Variants in GALNT14 observed in about 807,000 individuals in gnomAD.
The protein encoded by GALNT14 is UDP-GalNAc:polypeptide N-acetylgalactosaminyltransferase 14.
GALNT14 carries 60 observed loss-of-function variants against 77.5 expected under a neutral mutation model. The ratio of observed to expected loss-of-function variants is 0.77; its 90% CI spans 0.63 to 0.96. GALNT14 has a LOEUF of 0.96. Among genes scored for constraint, GALNT14 ranks in the 40% least tolerant of loss-of-function variants. GALNT14 has a pLI of 0.00. For missense variants in GALNT14, 710 were observed against 731.0 expected (o/e 0.97, Z 0.33); for synonymous variants, 280 against 281.7 (o/e 0.99, Z 0.06).
chr2:30,980,808 G>A (rs756195169), intron 2 of GALNT14, among the ~76,000 whole-genome samples: 6 of 152,320 alleles, frequency 3.9e-5, no homozygotes, highest in South Asian at 2.1e-4. Context: ...TGGGCCGAGC[G>A]CGGTGGCTCA....
At chr2:31,111,448 A>C (rs376168946) in intron 1 of GALNT14, among the ~76,000 whole-genome samples, 65 of 152,378 alleles carry the variant, frequency 4.3e-4, no homozygotes, top group African/African-American at 1.5e-3. Flanking sequence ...GGAAAGCCAA[A>C]AGGCAGAGGC....
At chr2:30,923,079 T>TTGCTAATTTTTTGTATTTTTAGTAGA (rs1665133325) in intron 13 of GALNT14, among the ~76,000 whole-genome samples, 4 of 115,340 alleles carry the variant, frequency 3.5e-5, no homozygotes, top group African/African-American at 1.3e-4. Context: ...TTTTTTTTTT[T>TTGCTAATTTTTTGTATTTTTAGTAGA]GAAATGGAGT....
At chr2:30,904,621 G>A in the GALNT14 span, among the ~76,000 whole-genome samples, 7 of 152,230 alleles carry the variant, frequency 4.6e-5, no homozygotes, top group Non-Finnish European at 7.3e-5. Flanking sequence ...CAAGGCAGCA[G>A]CGAGGCTGGG....
intron 2 of GALNT14, among the ~76,000 whole-genome samples, chr2:30,989,853 A>T (rs13016565): frequency 0.31 from 47,121 of 151,048 alleles, 7,955 homozygotes; most frequent in African/African-American, 0.42. Flanking sequence ...CCTAGTCAGC[A>T]GCACAACCAG....
At chr2:31,079,678 T>C (rs1228916216) in intron 1 of GALNT14, among the ~76,000 whole-genome samples, 2 of 152,160 alleles carry the variant, frequency 1.3e-5, no homozygotes, top group Admixed American at 6.5e-5. Flanking sequence ...CTTCAGCCTC[T>C]TGAACATGGT....
At chr2:30,888,631 TTGGGAGGCCGGGGG>T in the GALNT14 span, among the ~76,000 whole-genome samples, 1 of 151,808 alleles carries the variant, frequency 6.6e-6, no homozygotes. Context: ...AGATGTAGGG[TTGGGAGGCCGGGGG>T]TGGGGATGGA....
chr2:31,001,557 A>G (rs955687454), intron 1 of GALNT14, among the ~76,000 whole-genome samples: 4 of 152,198 alleles, frequency 2.6e-5, no homozygotes, highest in Non-Finnish European at 5.9e-5. Context: ...TGTAAGTCCT[A>G]TGTGGAGGAA....
chr2:30,911,082 G>T, intron 14 of GALNT14, 23 bp from the exon 15 acceptor site: 1 of 1,610,146 alleles, frequency 6.2e-7, no homozygotes, highest in South Asian at 1.1e-5. Context: ...AGAAGAGAGT[G>T]AATGAACTAG....
At chr2:30,954,769 C>T (rs991774812) in intron 6 of GALNT14, among the ~76,000 whole-genome samples, 8 of 152,194 alleles carry the variant, frequency 5.3e-5, no homozygotes, top group South Asian at 2.1e-4. Context: ...GTTGAGGTAA[C>T]GCCAGCGTTC....
intron 1 of GALNT14, among the ~76,000 whole-genome samples, chr2:31,083,806 C>T (rs1454760171): frequency 6.6e-6 from 1 of 152,172 alleles, no homozygotes; most frequent in Non-Finnish European, 1.5e-5. Context: ...CCAAGTCCTT[C>T]CCTATGTGTG....
intron 3 of GALNT14, 128 bp downstream of exon 3, chr2:30,966,076 G>A: frequency 1.5e-6 from 1 of 671,768 alleles, no homozygotes; most frequent in Admixed American, 2.2e-5. Flanking sequence ...GTGACATATA[G>A]AATAGTGCCT....
At chr2:30,900,189 A>T in the GALNT14 span, among the ~76,000 whole-genome samples, 1 of 152,148 alleles carries the variant, frequency 6.6e-6, no homozygotes, top group Non-Finnish European at 1.5e-5. Flanking sequence ...ATGCAGATGA[A>T]ATACAGGGCT....
At chr2:30,915,587 G>A (rs1034978759) in intron 13 of GALNT14, among the ~76,000 whole-genome samples, 6 of 152,200 alleles carry the variant, frequency 3.9e-5, no homozygotes, top group Non-Finnish European at 8.8e-5. Flanking sequence ...GAAGGGCCAT[G>A]ATGAATGAGT....
intron 2 of GALNT14, among the ~76,000 whole-genome samples, chr2:30,979,176 G>A (rs1006273912): frequency 2.6e-5 from 4 of 152,242 alleles, no homozygotes; most frequent in African/African-American, 9.6e-5. Flanking sequence ...GAGTCAATGA[G>A]GAGGGCAGCT....
intron 2 of GALNT14, among the ~76,000 whole-genome samples, chr2:30,966,614 C>G (rs1007997061): frequency 1.3e-5 from 2 of 152,156 alleles, no homozygotes; most frequent in African/African-American, 4.8e-5. Flanking sequence ...CACAGTGGCT[C>G]CTGGTAGCTG....
chr2:30,947,345 C>T (rs576262212), intron 6 of GALNT14, among the ~76,000 whole-genome samples: 1 of 152,328 alleles, frequency 6.6e-6, no homozygotes, highest in South Asian at 2.1e-4. Context: ...TCTAGCTTTC[C>T]AGCCTCATTA....
At chr2:30,907,705 T>C (rs1664181039), downstream of GALNT14, among the ~76,000 whole-genome samples, 1 of 149,906 alleles carries the variant, frequency 6.7e-6, no homozygotes, top group African/African-American at 2.5e-5. Context: ...CCCTAACTCA[T>C]TTTATGAGGC....
chr2:30,986,656 C>A (rs1429852614), intron 2 of GALNT14, among the ~76,000 whole-genome samples: 2 of 152,120 alleles, frequency 1.3e-5, no homozygotes, highest in Non-Finnish European at 2.9e-5. Context: ...ACTTTTGCAC[C>A]AACCTAACAT....
intron 2 of GALNT14, among the ~76,000 whole-genome samples, chr2:30,982,472 T>C (rs1669048952): frequency 6.6e-6 from 1 of 152,202 alleles, no homozygotes; most frequent in Non-Finnish European, 1.5e-5. Context: ...AAAGGAATAC[T>C]ACACAGCAAT....
Sources: allele counts gnomAD v4.1 joint callset (sites outside exome capture counted in the v4.1 genomes callset), GRCh38; gene constraint gnomAD v4.1.1; transcripts MANE v1.5; gene names NCBI Gene and HGNC (gene_info 2026-07-23, HGNC 2026-07-21).